Variants in CDCA2 observed in about 807,000 individuals in gnomAD.
The protein encoded by CDCA2 is cell division cycle associated 2, also known as cell division cycle-associated protein 2.
CDCA2 carries 44 observed loss-of-function variants against 67.0 expected under a neutral mutation model. That is an observed-to-expected ratio of 0.66 (90% CI 0.52 to 0.84). CDCA2 has a LOEUF of 0.84. Among genes scored for constraint, CDCA2 ranks in the 40% least tolerant of loss-of-function variants. The pLI is 0.00. For synonymous variants in CDCA2, 447 were observed against 418.7 expected, an observed-to-expected ratio of 1.07 and a Z score of -0.82; for missense variants, 1,253 against 1,203.2, an observed-to-expected ratio of 1.04 and a Z score of -0.61.
chr8:25,473,014 C>T (rs1803218672), intron 7 of CDCA2, among the ~76,000 whole-genome samples: 1 of 152,232 alleles, frequency 6.6e-6, no homozygotes, highest in African/African-American at 2.4e-5. Context: ...TTTCCTTCCT[C>T]ACCACTTCTA....
intron 13 of CDCA2, among the ~76,000 whole-genome samples, chr8:25,489,910 G>A (rs1272689748): frequency 1.3e-5 from 2 of 152,162 alleles, no homozygotes; most frequent in Non-Finnish European, 2.9e-5. Context: ...CTTTAACCAT[G>A]CTATGTCAAA....
intron 10 of CDCA2, among the ~76,000 whole-genome samples, 168 bp downstream of exon 10, chr8:25,484,378 AC>A (rs779435603): frequency 2.6e-5 from 4 of 152,218 alleles, no homozygotes; most frequent in Non-Finnish European, 5.9e-5. Context: ...TTTGCCCATT[AC>A]AAATAATACT....
At chr8:25,460,179 G>A in intron 1 of CDCA2, 61 bp from the exon 2 acceptor site, 2 of 1,527,956 alleles carry the variant, frequency 1.3e-6, no homozygotes, top group Non-Finnish European at 1.8e-6. Context: ...TAAGGTACGT[G>A]ATCGAATCAC....
At chr8:25,464,054 T>C (rs987534883) in intron 4 of CDCA2, among the ~76,000 whole-genome samples, 5 of 152,242 alleles carry the variant, frequency 3.3e-5, no homozygotes, top group African/African-American at 1.2e-4. Context: ...ATTCCTGATA[T>C]TTCTTCTCAA....
rs139582947 is a variant in CDCA2, at chr8:25,507,373, G to A, written c.2707G>A (p.Glu903Lys). 1.3e-4 allele frequency: 210 copies of A among 1,613,224 alleles called. No individual in the cohort carries two copies. The highest frequency in any genetic ancestry group is 5.2e-5 in the Non-Finnish European group (61 of 1,179,880). The change falls in exon 15 of 15, where the codon GAA becomes AAA. Residue 903 changes from glutamate (E) to lysine (K), a missense_variant. Physicochemically the swap from Glu to Lys is moderately conservative, Grantham distance 56. Coordinates refer to ENST00000330560, the MANE Select transcript of CDCA2 (RefSeq NM_152562.4). ...STRLQKDLEN[E>K]GLVWISLPLP... ...GAGGCTACAGAAGGATTTAGAAAAC[G>A]AAGGTCTTGTATGGATTTCACTTCC...
chr8:25,461,713 T>C (rs1408759365), intron 3 of CDCA2, among the ~76,000 whole-genome samples: 6 of 152,142 alleles, frequency 3.9e-5, no homozygotes, highest in Admixed American at 3.9e-4. Context: ...CTGACTTATT[T>C]AGAAAAAGAA....
intron 13 of CDCA2, among the ~76,000 whole-genome samples, chr8:25,496,750 C>A (rs990377682): frequency 6.6e-6 from 1 of 152,030 alleles, no homozygotes; most frequent in Non-Finnish European, 1.5e-5. Flanking sequence ...TGAAAGATTA[C>A]AAGTGTTGGA....
chr8:25,488,809 A>G, intron 13 of CDCA2, 120 bp downstream of exon 13: 1 of 979,198 alleles, frequency 1.0e-6, no homozygotes, highest in Non-Finnish European at 1.4e-6. Flanking sequence ...TTATTAATGC[A>G]ATCTTACCGT....
chr8:25,497,123 C>T (rs1244251185), intron 13 of CDCA2, among the ~76,000 whole-genome samples: 1 of 152,054 alleles, frequency 6.6e-6, no homozygotes, highest in Non-Finnish European at 1.5e-5. Flanking sequence ...TCTCTGGACT[C>T]TAGTTGTTTA....
chr8:25,471,704 G>C (rs1378790682), intron 7 of CDCA2, among the ~76,000 whole-genome samples: 1 of 152,120 alleles, frequency 6.6e-6, no homozygotes, highest in Non-Finnish European at 1.5e-5. Context: ...ACTTTGCGTA[G>C]GAGTGACAGA....
chr8:25,485,758 G>A lies in CDCA2; in HGVS notation c.1366-1G>A, dbSNP rs1586502078. On this transcript the variant is annotated splice_acceptor_variant, in intron 10 of 14. Coordinates refer to ENST00000330560, the MANE Select transcript of CDCA2 (RefSeq NM_152562.4). LOFTEE classifies it high-confidence loss of function. ...TAACTTCTGTCTTTTCCTTTGTTTA[G>A]GAAAACATAGAACCACTTCAAGTAT... The A allele has an allele frequency of 1.9e-6, 3 of 1,586,196 alleles. No homozygotes were observed. Among genetic ancestry groups the A allele is most frequent in the Non-Finnish European group, 2.6e-6 (3 of 1,163,260 alleles).
intron 6 of CDCA2, among the ~76,000 whole-genome samples, chr8:25,469,530 A>G (rs900975098): frequency 6.6e-6 from 1 of 152,224 alleles, no homozygotes; most frequent in Non-Finnish European, 1.5e-5. Flanking sequence ...ATTAATAATT[A>G]TATAAACTTT....
upstream of CDCA2, chr8:25,459,103 G>A (rs886604671): frequency 6.6e-6 from 1 of 152,268 alleles, no homozygotes; most frequent in African/African-American, 2.4e-5. Flanking sequence ...TGCCGAGGGA[G>A]AGGCCTGGGA....
chr8:25,470,053 TA>T, intron 7 of CDCA2, 73 bp downstream of exon 7: 1 of 1,040,106 alleles, frequency 9.6e-7, no homozygotes, highest in Non-Finnish European at 1.4e-6. Flanking sequence ...ACCTATTTGC[TA>T]AAATTTGGGG....
Position 25,469,044 on chromosome 8 carries a change from C to T in CDCA2, c.735+631C>T, listed in dbSNP as rs148217497. ...ATAATACTACTGAAGATCAGTTGAC[C>T]TGCGCGCACGCGTGAATGGAGAGCT... On this transcript the variant is annotated intron_variant, in intron 6 of 14. Coordinates refer to ENST00000330560, the MANE Select transcript of CDCA2 (RefSeq NM_152562.4). Among the ~76,000 whole-genome samples the T allele has an allele frequency of 7.2e-4, 110 of 152,354 alleles. 1 individual carries two copies. Among genetic ancestry groups the T allele is most frequent in the African/African-American group, 2.5e-3 (106 of 41,584 alleles).
intron 8 of CDCA2, among the ~76,000 whole-genome samples, chr8:25,481,975 A>G (rs1040584524): frequency 2.0e-5 from 3 of 152,204 alleles, no homozygotes; most frequent in Non-Finnish European, 2.9e-5. Flanking sequence ...TTGGATGTAC[A>G]GGAGAAAATG....
chr8:25,479,736 T>G (rs1475824795), intron 7 of CDCA2, 177 bp from the exon 8 acceptor site: 20 of 629,232 alleles, frequency 3.2e-5, no homozygotes, highest in Non-Finnish European at 4.7e-5. Flanking sequence ...CGATGCTGCT[T>G]CTTTACCTCC....
At chr8:25,502,712 C>T (rs1036403333) in intron 13 of CDCA2, among the ~76,000 whole-genome samples, 4 of 151,956 alleles carry the variant, frequency 2.6e-5, no homozygotes, top group African/African-American at 7.3e-5. Context: ...CACAACTGTG[C>T]GTCTTACAGA....
At chr8:25,485,585 ATTT>A (rs1803743845) in intron 10 of CDCA2, among the ~76,000 whole-genome samples, 171 bp from the exon 11 acceptor site, 1 of 152,092 alleles carries the variant, frequency 6.6e-6, no homozygotes. Context: ...GTATACATAT[ATTT>A]TTCTATTCAA....
Sources: gnomAD v4.1 joint callset for allele counts (sites outside exome capture counted in the v4.1 genomes callset) on GRCh38, gnomAD v4.1.1 for gene constraint, MANE v1.5 for transcripts, NCBI Gene and HGNC (gene_info 2026-07-23, HGNC 2026-07-21) for gene names.